The following TENM3 variants were observed in gnomAD, a reference collection of about 807,000 sequenced individuals.
TENM3 encodes teneurin-3.
TENM3 carries 63 observed loss-of-function variants against 255.1 expected under a neutral mutation model. That is an observed-to-expected ratio of 0.25 (90% CI 0.20 to 0.30). The LOEUF is 0.30. TENM3 is among the 10% of genes least tolerant of loss of function. TENM3 has a pLI of 1.00. For missense variants in TENM3, 2,929 were observed against 3,461.1 expected (o/e 0.85, Z 3.86); for synonymous variants, 1,306 against 1,322.3 (o/e 0.99, Z 0.27).
intron 1 of TENM3, among the ~76,000 whole-genome samples, chr4:182,234,155 A>G (rs1756746307): frequency 6.6e-6 from 1 of 152,132 alleles, no homozygotes; most frequent in African/African-American, 2.4e-5. Context: ...TTCCACGTTA[A>G]CAACCCTTGG....
At chr4:181,997,293 A>G in the TENM3 span, among the ~76,000 whole-genome samples, 1 of 152,200 alleles carries the variant, frequency 6.6e-6, no homozygotes, top group Non-Finnish European at 1.5e-5. Flanking sequence ...TTCGGTCCTC[A>G]GTACGTAAGC....
chr4:182,290,311 G>A (rs1346434042), intron 1 of TENM3, among the ~76,000 whole-genome samples: 1 of 152,150 alleles, frequency 6.6e-6, no homozygotes, highest in African/African-American at 2.4e-5. Context: ...CAGAAACCTG[G>A]TTCCAGCTGC....
intron 3 of TENM3, among the ~76,000 whole-genome samples, chr4:182,409,972 G>C (rs1286737160): frequency 6.6e-6 from 1 of 151,936 alleles, no homozygotes; most frequent in Non-Finnish European, 1.5e-5. Context: ...TGGCTGCAGA[G>C]TAGCCATCAT....
the TENM3 span, among the ~76,000 whole-genome samples, chr4:181,979,597 T>C: frequency 0.56 from 85,598 of 151,878 alleles, 24,899 homozygotes; most frequent in African/African-American, 0.68. Flanking sequence ...CTTGGCTTGG[T>C]GTGGGTTCAG....
chr4:182,160,065 C>T lies in TENM3; in HGVS notation c.-76+15311C>T, dbSNP rs990195840. Among the ~76,000 whole-genome samples the T allele has an allele frequency of 2.4e-4, 36 of 149,266 alleles. 3 individuals are homozygous for T. The highest frequency in any genetic ancestry group is 4.2e-4 in the South Asian group (2 of 4,708). ...TCGCCCAGGCTGGAGTGCAGCGGTG[C>T]GATCTCGGCTCACTGCAAGCTCCGC... is the stretch of plus-strand genomic sequence containing the variant. On this transcript the variant is annotated intron_variant, in intron 1 of 2. Coordinates refer to the TENM3 transcript ENST00000512480.
At chr4:181,827,406 G>A in the TENM3 span, among the ~76,000 whole-genome samples, 1 of 152,156 alleles carries the variant, frequency 6.6e-6, no homozygotes, top group Non-Finnish European at 1.5e-5. Flanking sequence ...GTGAGCAGTC[G>A]GCAGAGCCAG....
At chr4:182,362,197 C>T (rs1262399635) in intron 3 of TENM3, among the ~76,000 whole-genome samples, 2 of 152,136 alleles carry the variant, frequency 1.3e-5, no homozygotes, top group Non-Finnish European at 2.9e-5. Flanking sequence ...AGGCAGTCTG[C>T]CCGTTCTCAG....
chr4:182,054,798 A>C, the TENM3 span, among the ~76,000 whole-genome samples: 116,893 of 151,912 alleles, frequency 0.77, 45,863 homozygotes, highest in East Asian at 0.9. Flanking sequence ...CCCACAAAAA[A>C]TAAAAATTTT....
the TENM3 span, among the ~76,000 whole-genome samples, chr4:181,552,836 C>T: frequency 6.6e-6 from 1 of 152,330 alleles, no homozygotes; most frequent in African/African-American, 2.4e-5. Context: ...CCAATGTGGG[C>T]TTTCCCAAAA....
the TENM3 span, among the ~76,000 whole-genome samples, chr4:181,486,264 G>A: frequency 6.6e-6 from 1 of 152,142 alleles, no homozygotes; most frequent in Non-Finnish European, 1.5e-5. Flanking sequence ...GGCACACACA[G>A]AAGCCATATT....
chr4:181,451,037 G>T, the TENM3 span, among the ~76,000 whole-genome samples: 1 of 152,126 alleles, frequency 6.6e-6, no homozygotes, highest in Non-Finnish European at 1.5e-5. Context: ...ATCACCGTTT[G>T]TTCTGAGTGA....
At chr4:182,449,217 G>GCTCCGCTCCGCTC (rs1181233859) in intron 3 of TENM3, 19 of 18,206 alleles carry the variant, frequency 1.0e-3, no homozygotes, top group African/African-American at 4.0e-3. Context: ...GGTGGCGGCG[G>GCTCCGCTCCGCTC]CGGCGGCGGC....
the TENM3 span, among the ~76,000 whole-genome samples, chr4:181,591,651 C>T: frequency 6.6e-6 from 1 of 152,192 alleles, no homozygotes; most frequent in Non-Finnish European, 1.5e-5. Context: ...AGCTCCGCCT[C>T]CCATCATTTC....
intron 12 of TENM3, among the ~76,000 whole-genome samples, chr4:182,693,156 T>C (rs1334769664): frequency 6.6e-6 from 1 of 152,188 alleles, no homozygotes; most frequent in Non-Finnish European, 1.5e-5. Flanking sequence ...TTTTTATTTG[T>C]TAATTAATTC....
At chr4:181,870,049 C>T in the TENM3 span, among the ~76,000 whole-genome samples, 1 of 152,148 alleles carries the variant, frequency 6.6e-6, no homozygotes, top group Non-Finnish European at 1.5e-5. Flanking sequence ...TTTACCTACC[C>T]TTGACCTTCA....
the TENM3 span, among the ~76,000 whole-genome samples, chr4:181,448,154 A>ATTTTTTTTTTTTTTTTTTTTTTTTT: frequency 3.3e-5 from 3 of 90,066 alleles, no homozygotes; most frequent in African/African-American, 1.4e-4. Flanking sequence ...AAATCCAGTA[A>ATTTTTTTTTTTTTTTTTTTTTTTTT]TTTTTTTTTT....
the TENM3 span, among the ~76,000 whole-genome samples, chr4:181,581,075 T>C: frequency 2.0e-5 from 3 of 152,048 alleles, no homozygotes; most frequent in East Asian, 5.8e-4. Flanking sequence ...AAAAATGGCA[T>C]ACATAGCAAA....
intron 1 of TENM3, among the ~76,000 whole-genome samples, chr4:182,264,565 T>TAC (rs1407544155): frequency 6.6e-6 from 1 of 152,254 alleles, no homozygotes; most frequent in African/African-American, 2.4e-5. Flanking sequence ...TCCTGTGCTG[T>TAC]AGCTCAGTAG....
At chr4:181,504,277 C>T in the TENM3 span, among the ~76,000 whole-genome samples, 2 of 152,322 alleles carry the variant, frequency 1.3e-5, no homozygotes, top group East Asian at 1.9e-4. Context: ...TGAGCCTCCG[C>T]GTAAGCCACA....
Sources: gnomAD v4.1 joint callset for allele counts (sites outside exome capture counted in the v4.1 genomes callset) on GRCh38, gnomAD v4.1.1 for gene constraint, MANE v1.5 for transcripts, NCBI Gene and HGNC (gene_info 2026-07-23, HGNC 2026-07-21) for gene names.